Variants in CDYL observed in about 807,000 individuals in gnomAD.
CDYL encodes chromodomain Y-like protein.
CDYL carries 8 observed loss-of-function variants against 47.3 expected under a neutral mutation model. The observed-to-expected ratio is 0.17, with a 90% CI of 0.10 to 0.31. The LOEUF (loss-of-function observed/expected upper bound fraction) is 0.31, where lower values mean the gene tolerates loss of function less well. CDYL is among the 10% of genes least tolerant of loss of function. CDYL has a pLI of 1.00. For missense variants in CDYL, 471 were observed against 701.4 expected (o/e 0.67, Z 3.71); for synonymous variants, 266 against 265.0 (o/e 1.00, Z -0.04).
intron 2 of CDYL, among the ~76,000 whole-genome samples, chr6:4,932,302 C>CT (rs1758054652): frequency 6.6e-6 from 1 of 152,230 alleles, no homozygotes; most frequent in Non-Finnish European, 1.5e-5. Flanking sequence ...TGAGGGCTCA[C>CT]TTCCTGGTTC....
At chr6:4,748,676 C>CACACACAA (rs1263245679) in intron 3 of CDYL, among the ~76,000 whole-genome samples, 67 of 151,728 alleles carry the variant, frequency 4.4e-4, no homozygotes, top group Admixed American at 2.0e-3. Flanking sequence ...CACACACACA[C>CACACACAA]ACACAAACAA....
intron 1 of CDYL, among the ~76,000 whole-genome samples, chr6:4,832,983 C>G (rs1760191173): frequency 6.6e-6 from 1 of 151,720 alleles, no homozygotes; most frequent in South Asian, 2.1e-4. Flanking sequence ...ATTAGTCTTG[C>G]TAGCAGTCTA....
intron 2 of CDYL, chr6:4,716,030 T>G (rs1038351293): frequency 1.6e-6 from 2 of 1,213,424 alleles, no homozygotes; most frequent in African/African-American, 3.1e-5. Context: ...GGGCGGATCA[T>G]GAGGTCAGGA....
At chr6:4,861,172 A>G (rs1761158051) in intron 1 of CDYL, among the ~76,000 whole-genome samples, 1 of 152,252 alleles carries the variant, frequency 6.6e-6, no homozygotes, top group South Asian at 2.1e-4. Context: ...TATGAGCAAA[A>G]TGGGAAGCCT....
At chr6:4,706,427 G>GT (rs1176301744) in intron 1 of CDYL, among the ~76,000 whole-genome samples, 42 of 147,696 alleles carry the variant, frequency 2.8e-4, no homozygotes, top group East Asian at 5.9e-4. Context: ...GAGTTTGGGT[G>GT]GTTTTTTTTT....
chr6:4,865,302 C>T lies in CDYL; in HGVS notation c.25-26411C>T, dbSNP rs143476900. ...CATCCCGCCACTCGGGCTCATACCC[C>T]TTCTGTCTTTAAAATAGCCAATTGG... On this transcript the variant is annotated intron_variant, in intron 1 of 6. Coordinates refer to ENST00000397588, the MANE Select transcript of CDYL (RefSeq NM_004824.4). Among the ~76,000 whole-genome samples the T allele has an allele frequency of 1.3e-3, 202 of 152,348 alleles. 1 individual carries two copies. The highest frequency in any genetic ancestry group is 4.8e-3 in the Admixed American group (73 of 15,298).
intron 1 of CDYL, among the ~76,000 whole-genome samples, chr6:4,835,939 G>A (rs1273180558): frequency 6.6e-6 from 1 of 152,220 alleles, no homozygotes; most frequent in Non-Finnish European, 1.5e-5. Context: ...GAAAAGCGCA[G>A]TATTCGGGTG....
chr6:4,878,654 AGT>A (rs970230901), intron 1 of CDYL, among the ~76,000 whole-genome samples: 4 of 152,024 alleles, frequency 2.6e-5, no homozygotes, highest in African/African-American at 9.7e-5. Flanking sequence ...CGATATTGGT[AGT>A]GTGTGTTTTA....
At chr6:4,876,045 A>C (rs1761612472) in intron 1 of CDYL, among the ~76,000 whole-genome samples, 1 of 152,220 alleles carries the variant, frequency 6.6e-6, no homozygotes, top group Admixed American at 6.5e-5. Flanking sequence ...TACCTGGGTA[A>C]CCTAAAAGCT....
intron 1 of CDYL, among the ~76,000 whole-genome samples, chr6:4,851,911 A>C (rs986698562): frequency 6.6e-6 from 1 of 152,022 alleles, no homozygotes; most frequent in African/African-American, 2.4e-5. Context: ...TACTAACCAA[A>C]AACAGTGTGG....
At chr6:4,947,183 G>A (rs1260396262) in intron 5 of CDYL, among the ~76,000 whole-genome samples, 1 of 152,236 alleles carries the variant, frequency 6.6e-6, no homozygotes, top group African/African-American at 2.4e-5. Flanking sequence ...GAGGGGATGG[G>A]GCAGGTTTTG....
At chr6:4,733,282 G>C (rs1022048953) in intron 2 of CDYL, 1 of 152,130 alleles carries the variant, frequency 6.6e-6, no homozygotes, top group Admixed American at 6.5e-5. Context: ...GGCTTTCCTG[G>C]ACACATTGCA....
intron 2 of CDYL, among the ~76,000 whole-genome samples, chr6:4,716,272 A>G (rs1242226639): frequency 3.3e-5 from 5 of 151,928 alleles, no homozygotes; most frequent in Non-Finnish European, 5.9e-5. Flanking sequence ...GACTTTACCA[A>G]TATGTAGTCA....
intron 2 of CDYL, among the ~76,000 whole-genome samples, chr6:4,728,689 G>T (rs1363775817): frequency 6.6e-6 from 1 of 152,110 alleles, no homozygotes; most frequent in Non-Finnish European, 1.5e-5. Flanking sequence ...GCAAGCCCCT[G>T]GACAGAGGGC....
At chr6:4,777,345 T>C (rs1284183022) in intron 1 of CDYL, among the ~76,000 whole-genome samples, 1 of 152,166 alleles carries the variant, frequency 6.6e-6, no homozygotes, top group Non-Finnish European at 1.5e-5. Flanking sequence ...TAGGTTAGCA[T>C]TGTGGCCAGA....
intron 2 of CDYL, among the ~76,000 whole-genome samples, chr6:4,933,599 C>T (rs979824203): frequency 3.9e-5 from 6 of 152,166 alleles, no homozygotes; most frequent in South Asian, 2.1e-4. Flanking sequence ...TGAGGGGAGA[C>T]GAGATTGTCA....
At chr6:4,936,910 T>C (rs1474443764) in intron 3 of CDYL, among the ~76,000 whole-genome samples, 2 of 152,208 alleles carry the variant, frequency 1.3e-5, no homozygotes, top group Non-Finnish European at 2.9e-5. Flanking sequence ...TTAATTATAC[T>C]CGAGTTATGT....
At chr6:4,823,876 T>C (rs1458278708) in intron 1 of CDYL, among the ~76,000 whole-genome samples, 1 of 152,250 alleles carries the variant, frequency 6.6e-6, no homozygotes, top group African/African-American at 2.4e-5. Flanking sequence ...GTAACCATTA[T>C]GTAAAAACTC....
At chr6:4,884,123 G>A (rs1397010532) in intron 1 of CDYL, among the ~76,000 whole-genome samples, 1 of 152,198 alleles carries the variant, frequency 6.6e-6, no homozygotes, top group Non-Finnish European at 1.5e-5. Context: ...TGGATGATAG[G>A]ATTGCTGTAG....
Sources: allele counts gnomAD v4.1 joint callset (sites outside exome capture counted in the v4.1 genomes callset), GRCh38; gene constraint gnomAD v4.1.1; transcripts MANE v1.5; gene names NCBI Gene and HGNC (gene_info 2026-07-23, HGNC 2026-07-21).